The following MAP3K3 variants were observed in gnomAD, a reference collection of about 807,000 sequenced individuals.
The protein encoded by MAP3K3 is mitogen-activated protein kinase kinase kinase 3.
In MAP3K3, 12 loss-of-function variants were observed where a neutral mutation model predicts 80.9. The observed-to-expected ratio is 0.15, with a 90% CI of 0.10 to 0.24. MAP3K3 has a LOEUF of 0.24. MAP3K3 is among the 10% of genes least tolerant of loss of function. The probability of loss-of-function intolerance (pLI) is 1.00; values close to 1 mark genes in which losing one functional copy is unlikely to be tolerated. For synonymous variants in MAP3K3, 272 were observed against 307.1 expected (o/e 0.89, Z 1.19); for missense variants, 596 against 834.7 (o/e 0.71, Z 3.52).
intron 3 of MAP3K3, among the ~76,000 whole-genome samples, chr17:63,647,672 A>G (rs1006818740): frequency 6.6e-6 from 1 of 152,182 alleles, no homozygotes; most frequent in African/African-American, 2.4e-5. Flanking sequence ...TTCAGGAGCC[A>G]TGGCATTTCA....
intron 6 of MAP3K3, 125 bp downstream of exon 6, chr17:63,667,185 C>A: frequency 1.1e-5 from 11 of 979,394 alleles, no homozygotes; most frequent in South Asian, 4.5e-5. Context: ...GTAGAGTAAT[C>A]CTTTATGCCT....
At chr17:63,666,591 C>T (rs890023149) in intron 5 of MAP3K3, among the ~76,000 whole-genome samples, 3 of 152,180 alleles carry the variant, frequency 2.0e-5, no homozygotes, top group Non-Finnish European at 4.4e-5. Context: ...TGCTACTCTT[C>T]CTAAACTCTC....
At chr17:63,687,691 A>G (rs1159001780) in intron 8 of MAP3K3, among the ~76,000 whole-genome samples, 1 of 146,524 alleles carries the variant, frequency 6.8e-6, no homozygotes, top group African/African-American at 2.5e-5. Flanking sequence ...CTCCATCTTA[A>G]AAAAAAAAAA....
chr17:63,664,371 T>C (rs965520077), intron 5 of MAP3K3, among the ~76,000 whole-genome samples: 4 of 151,836 alleles, frequency 2.6e-5, no homozygotes, highest in African/African-American at 9.7e-5. Context: ...CATGCAAATA[T>C]CTCTTGGTAC....
At chr17:63,669,563 C>T (rs966394931) in intron 6 of MAP3K3, among the ~76,000 whole-genome samples, 2 of 151,888 alleles carry the variant, frequency 1.3e-5, no homozygotes. Context: ...CTGCTTCATG[C>T]GCTCAAGCAA....
In MAP3K3 at chr17:63,692,590, G is replaced by A. The variant is rs892100720; in HGVS notation, c.1652+171G>A. Among the ~76,000 whole-genome samples the A allele has an allele frequency of 2.6e-5, 4 of 152,170 alleles. No homozygotes were observed. Among genetic ancestry groups the A allele is most frequent in the African/African-American group, 9.7e-5 (4 of 41,412 alleles). On this transcript the variant is annotated intron_variant, in intron 15 of 15. Coordinates refer to ENST00000361733, the MANE Select transcript of MAP3K3 (RefSeq NM_002401.5). The surrounding 1 kb of genome is among the most constrained non-coding windows in gnomAD (Gnocchi z 4.5). ...GCAGTAGCACACACACCACATGGGT[G>A]GTGCTCAAAGCACACTCCATTAGAG...
chr17:63,652,754 C>A, intron 4 of MAP3K3, 98 bp downstream of exon 4: 1 of 734,680 alleles, frequency 1.4e-6, no homozygotes. Context: ...CCTCTAATAT[C>A]ATCTGCAGGT....
At chr17:63,641,816 G>A (rs2034449227) in intron 2 of MAP3K3, among the ~76,000 whole-genome samples, 1 of 152,148 alleles carries the variant, frequency 6.6e-6, no homozygotes, top group Non-Finnish European at 1.5e-5. Context: ...GAAGTCGCAA[G>A]GTTGAGGAAT....
intron 5 of MAP3K3, among the ~76,000 whole-genome samples, chr17:63,664,246 C>CAAAAA (rs60599826): frequency 4.1e-5 from 3 of 72,498 alleles, no homozygotes; most frequent in Admixed American, 1.6e-4. Flanking sequence ...GACTCCGTCT[C>CAAAAA]AAAAAAAAAA....
intron 1 of MAP3K3, among the ~76,000 whole-genome samples, chr17:63,623,333 T>G (rs1002541663): frequency 2.0e-5 from 3 of 152,184 alleles, no homozygotes; most frequent in Non-Finnish European, 2.9e-5. Flanking sequence ...ACTGGAGCTG[T>G]GATCAAGCGC....
intron 4 of MAP3K3, among the ~76,000 whole-genome samples, chr17:63,653,646 T>C (rs929664216): frequency 6.6e-6 from 1 of 152,238 alleles, no homozygotes; most frequent in African/African-American, 2.4e-5. Context: ...ATTTGATTAA[T>C]TTAAAATCCC....
chr17:63,626,989 A>G (rs1020543078), intron 1 of MAP3K3, among the ~76,000 whole-genome samples: 12 of 152,324 alleles, frequency 7.9e-5, no homozygotes, highest in African/African-American at 2.9e-4. Context: ...TGCTTCTGGC[A>G]ACTTTTCTGG....
At chr17:63,675,915 A>G (rs1015411292) in intron 6 of MAP3K3, among the ~76,000 whole-genome samples, 16 of 152,194 alleles carry the variant, frequency 1.1e-4, no homozygotes, top group Admixed American at 9.2e-4. Flanking sequence ...ACGTAGTTTT[A>G]TGGTCCAGTA....
intron 4 of MAP3K3, among the ~76,000 whole-genome samples, chr17:63,656,802 C>T (rs1445971557): frequency 6.6e-6 from 1 of 152,266 alleles, no homozygotes; most frequent in Non-Finnish European, 1.5e-5. Flanking sequence ...AGTCTGTTCT[C>T]ACGCTGCTGT....
intron 5 of MAP3K3, among the ~76,000 whole-genome samples, chr17:63,662,650 A>ATTT (rs1192833142): frequency 4.9e-3 from 407 of 82,534 alleles, no homozygotes; most frequent in East Asian, 5.9e-3. Flanking sequence ...AGAAGAGGGA[A>ATTT]TTTTTTTTTT....
At chr17:63,622,909 C>T (rs1460615473) in intron 1 of MAP3K3, 146 bp downstream of exon 1, 1 of 146,500 alleles carries the variant, frequency 6.8e-6, no homozygotes, top group Admixed American at 6.8e-5. Flanking sequence ...CGGCCGGCCG[C>T]CCGCCCCGCT....
intron 6 of MAP3K3, among the ~76,000 whole-genome samples, chr17:63,673,460 G>A (rs1192375646): frequency 6.6e-6 from 1 of 152,074 alleles, no homozygotes; most frequent in Non-Finnish European, 1.5e-5. Flanking sequence ...ATCTCTCTGT[G>A]GGGAGATCAC....
At position 63,695,109 on chromosome 17, in the gene MAP3K3, C is replaced by T. The variant is rs978387665; in HGVS notation, c.*1332C>T. 6.7e-6 allele frequency: 1 copy of T among 148,878 alleles called. No homozygotes were observed. Among genetic ancestry groups the T allele is most frequent in the African/African-American group, 2.5e-5 (1 of 40,282 alleles). The allele number at this position is 148,878 out of a possible 1,614,324, so 9.2% of individuals were successfully genotyped here. On this transcript the variant is annotated 3_prime_UTR_variant, in exon 16 of 16. Coordinates refer to ENST00000361733, the MANE Select transcript of MAP3K3 (RefSeq NM_002401.5). The surrounding 1 kb of genome is among the most constrained non-coding windows in gnomAD (Gnocchi z 4.1). ...TAAAGGAAAAAAAAAAAAAAAAAAG[C>T]CAGTGCCCAGGGATGGGCATCTCCA...
At chr17:63,686,676 T>C (rs1313054596) in intron 8 of MAP3K3, among the ~76,000 whole-genome samples, 1 of 152,048 alleles carries the variant, frequency 6.6e-6, no homozygotes, top group Non-Finnish European at 1.5e-5. Context: ...TAAGCACTCT[T>C]GTGTAAGGGA....
Sources: allele counts gnomAD v4.1 joint callset (sites outside exome capture counted in the v4.1 genomes callset), GRCh38; gene constraint gnomAD v4.1.1; non-coding constraint Gnocchi (gnomAD v3.1); transcripts MANE v1.5; gene names NCBI Gene and HGNC (gene_info 2026-07-23, HGNC 2026-07-21).